Variants in IL1RAPL1 observed in about 807,000 individuals in gnomAD.
The protein encoded by IL1RAPL1 is interleukin-1 receptor accessory protein-like 1.
A neutral mutation model predicts 48.4 loss-of-function variants in IL1RAPL1; 3 were observed. The ratio of observed to expected loss-of-function variants is 0.06; its 90% confidence interval spans 0.03 to 0.16. The LOEUF (loss-of-function observed/expected upper bound fraction) is 0.16. Ranked by LOEUF, IL1RAPL1 falls within the 10% of genes least tolerant of loss-of-function variation. IL1RAPL1 has a pLI of 1.00. For missense variants in IL1RAPL1, 349 were observed against 530.6 expected, an observed-to-expected ratio of 0.66 and a Z score of 3.36; for synonymous variants, 185 against 187.7, an observed-to-expected ratio of 0.99 and a Z score of 0.12.
intron 5 of IL1RAPL1, among the ~76,000 whole-genome samples, chrX:29,413,225 C>T (rs953738531): frequency 3.6e-5 from 4 of 112,009 alleles, no homozygotes; most frequent in African/African-American, 1.3e-4. Flanking sequence ...ATTTCCCAGC[C>T]ATGTGGAACT....
chrX:29,654,370 G>A (rs1205948417), intron 5 of IL1RAPL1, among the ~76,000 whole-genome samples: 5 of 111,774 alleles, frequency 4.5e-5, no homozygotes, highest in African/African-American at 1.6e-4. Flanking sequence ...TTCTCATGCT[G>A]CTAATAAAGA....
At chrX:29,005,232 T>C (rs951096412) in intron 2 of IL1RAPL1, among the ~76,000 whole-genome samples, 1 of 111,996 alleles carries the variant, frequency 8.9e-6, no homozygotes, top group African/African-American at 3.2e-5. Context: ...TATTGGTACG[T>C]TAGATGTTTT....
intron 6 of IL1RAPL1, among the ~76,000 whole-genome samples, chrX:29,893,505 T>C (rs1214581515): frequency 9.0e-6 from 1 of 111,034 alleles, no homozygotes; most frequent in Non-Finnish European, 1.9e-5. Flanking sequence ...CCGTGCATCA[T>C]TGTTTTAAAT....
rs543806781 is a variant in IL1RAPL1 at position 29,167,293 on chromosome X, C to T, written c.83-115645C>T. 3.9e-4 allele frequency among the ~76,000 whole-genome samples: 42 copies of T among 109,044 alleles called. No individual in the cohort carries two copies. In the South Asian group the frequency reaches 6.3e-3, roughly 16 times the overall value. The allele number at this position is 109,044 out of a possible 115,157, so 94.7% of individuals were successfully genotyped here. On this transcript the variant is annotated intron_variant, in intron 2 of 10. Transcript: ENST00000378993. ...GAGAATATGTACTCCCTTCCCATTC[C>T]GCTTCCCCTTCCCCTTCCCTTCCCT...
chrX:29,145,769 C>T (rs371832778), intron 2 of IL1RAPL1, among the ~76,000 whole-genome samples: 5 of 111,794 alleles, frequency 4.5e-5, no homozygotes, highest in Non-Finnish European at 7.5e-5. Context: ...TCTAGTTACT[C>T]GGCACAAAAA....
chrX:29,199,466 CTT>C (rs929405109), intron 2 of IL1RAPL1, among the ~76,000 whole-genome samples: 137 of 111,551 alleles, frequency 1.2e-3, no homozygotes, highest in Non-Finnish European at 2.1e-3. Context: ...AGTTCCCAGT[CTT>C]TTTGGCACCG....
intron 2 of IL1RAPL1, among the ~76,000 whole-genome samples, chrX:29,053,837 A>G (rs1426657919): frequency 9.1e-6 from 1 of 109,902 alleles, no homozygotes; most frequent in African/African-American, 3.3e-5. Flanking sequence ...CCTTTTTTCC[A>G]TTGCTTGTTT....
chrX:29,159,787 C>T (rs930839477), intron 2 of IL1RAPL1, among the ~76,000 whole-genome samples: 3 of 111,722 alleles, frequency 2.7e-5, no homozygotes, highest in Non-Finnish European at 5.6e-5. Context: ...AGTGCAATGG[C>T]GCGATCCTCT....
At chrX:29,322,417 C>T (rs764000556) in intron 3 of IL1RAPL1, among the ~76,000 whole-genome samples, 1 of 110,504 alleles carries the variant, frequency 9.0e-6, no homozygotes, top group Non-Finnish European at 1.9e-5. Context: ...CAGGCATGCA[C>T]CACCATGCCG....
rs143132903 is a variant in IL1RAPL1 at position 28,792,766 on chromosome X, C to T, written c.82+3341C>T. 4.0e-3 allele frequency among the ~76,000 whole-genome samples: 247 copies of T among 62,074 alleles called. 4 individuals carry two copies. The highest frequency in any genetic ancestry group is 0.017 in the African/African-American group (239 of 14,352). The allele number at this position is 62,074 out of a possible 115,157, so 53.9% of individuals were successfully genotyped here. On this transcript the variant is annotated intron_variant, in intron 2 of 10. Transcript: ENST00000378993. ...TCACGCCACTGCACTCCAGCCTGGG[C>T]GACAGAGCAAGACTCCATCTCAAAA...
At chrX:29,492,340 A>C (rs1319651639) in intron 5 of IL1RAPL1, among the ~76,000 whole-genome samples, 2 of 112,434 alleles carry the variant, frequency 1.8e-5, no homozygotes, top group Non-Finnish European at 3.8e-5. Context: ...AAATACAACA[A>C]ACAGTGGCTT....
intron 2 of IL1RAPL1, among the ~76,000 whole-genome samples, chrX:28,988,766 AC>A (rs1925535079): frequency 1.8e-5 from 2 of 112,166 alleles, no homozygotes; most frequent in Non-Finnish European, 3.8e-5. Context: ...TATGAAAGAT[AC>A]TTCTAGAAAT....
intron 3 of IL1RAPL1, among the ~76,000 whole-genome samples, chrX:29,291,582 T>C (rs1194249206): frequency 9.2e-6 from 1 of 108,241 alleles, no homozygotes; most frequent in African/African-American, 3.4e-5. Flanking sequence ...CAGACCCCGG[T>C]ATGTGATGTT....
intron 5 of IL1RAPL1, among the ~76,000 whole-genome samples, chrX:29,630,803 G>T (rs1314899899): frequency 3.6e-5 from 4 of 112,206 alleles, no homozygotes; most frequent in African/African-American, 1.3e-4. Context: ...CTCCCAAAGC[G>T]CTGGGATTAC....
At chrX:28,827,375 C>T (rs1030084722) in intron 2 of IL1RAPL1, among the ~76,000 whole-genome samples, 2 of 110,994 alleles carry the variant, frequency 1.8e-5, no homozygotes, top group Non-Finnish European at 3.8e-5. Flanking sequence ...GAATAGACTA[C>T]GTTGAGTGTT....
chrX:28,952,379 AAG>A (rs1397005825), intron 2 of IL1RAPL1, among the ~76,000 whole-genome samples: 1 of 111,311 alleles, frequency 9.0e-6, no homozygotes, highest in African/African-American at 3.3e-5. Flanking sequence ...TACACACAAA[AAG>A]AAATTTAAAT....
chrX:29,532,878 C>T (rs987162276), intron 5 of IL1RAPL1, among the ~76,000 whole-genome samples: 3 of 111,524 alleles, frequency 2.7e-5, no homozygotes, highest in Non-Finnish European at 5.6e-5. Context: ...TCCCAAGAAG[C>T]GATGGGCAAA....
chrX:28,976,147 A>C lies in IL1RAPL1; in HGVS notation c.82+186722A>C, dbSNP rs1925199682. On this transcript the variant is annotated intron_variant, in intron 2 of 10. Transcript: ENST00000378993. Reference sequence around the variant, plus strand: ...AATGGAAGGTTTTGAAAAAGGCTTAATGTCATCTAACTTAGTATTTTGAAA... The same window carrying C: ...AATGGAAGGTTTTGAAAAAGGCTTACTGTCATCTAACTTAGTATTTTGAAA... Among the ~76,000 whole-genome samples the C allele has an allele frequency of 2.7e-5, 3 of 112,175 alleles. No individual in the cohort carries two copies. The South Asian group carries it at 1.1e-3, about 42-fold the overall frequency.
chrX:29,230,504 C>CAAAAAAAAAAAAAAAAAAAAAAAAAAAAA (rs60539139), intron 2 of IL1RAPL1, among the ~76,000 whole-genome samples: 1 of 16,595 alleles, frequency 6.0e-5, no homozygotes, highest in African/African-American at 2.9e-4. Context: ...GTCCCTTTAC[C>CAAAAAAAAAAAAAAAAAAAAAAAAAAAAA]AAAAAAAAAA....
Sources: gnomAD v4.1 joint callset for allele counts (sites outside exome capture counted in the v4.1 genomes callset) on GRCh38, gnomAD v4.1.1 for gene constraint, MANE v1.5 for transcripts, NCBI Gene and HGNC (gene_info 2026-07-23, HGNC 2026-07-21) for gene names.